ZNF385D: variants seen among roughly 807,000 people sequenced by gnomAD.
The protein encoded by ZNF385D is zinc finger protein 659.
Under a neutral mutation model 35.8 loss-of-function variants are expected in ZNF385D, and 15 were observed. The observed-to-expected ratio is 0.42, with a 90% CI of 0.28 to 0.64. The LOEUF (loss-of-function observed/expected upper bound fraction) is 0.64, where lower values mean the gene tolerates loss of function less well. ZNF385D is among the 30% of genes least tolerant of loss of function. The pLI is 0.23. For missense variants in ZNF385D, 474 were observed against 494.6 expected (o/e 0.96, Z 0.39); for synonymous variants, 212 against 186.8 (o/e 1.13, Z -1.10).
At chr3:21,997,872 C>T (rs2021235) in intron 3 of ZNF385D, among the ~76,000 whole-genome samples, 8,376 of 89,968 alleles carry the variant, frequency 0.093, 464 homozygotes, top group African/African-American at 0.25. Flanking sequence ...CGCGCGCGCG[C>T]GTGTGTGTGT....
At chr3:22,128,065 G>T (rs151121146) in intron 3 of ZNF385D, among the ~76,000 whole-genome samples, 1 of 152,276 alleles carries the variant, frequency 6.6e-6, no homozygotes, top group East Asian at 1.9e-4. Flanking sequence ...TGTAGGTTAT[G>T]TACAGTGTTG....
chr3:21,992,451 T>C (rs1477151431), intron 3 of ZNF385D, among the ~76,000 whole-genome samples: 1 of 152,192 alleles, frequency 6.6e-6, no homozygotes, highest in Non-Finnish European at 1.5e-5. Flanking sequence ...TCAAATTATA[T>C]TATCATCATC....
At chr3:22,075,406 T>C (rs1007561745) in intron 3 of ZNF385D, among the ~76,000 whole-genome samples, 2 of 151,890 alleles carry the variant, frequency 1.3e-5, no homozygotes, top group Admixed American at 6.6e-5. Context: ...CAACACTCCA[T>C]TGAAAATGCT....
At chr3:21,891,352 A>G (rs1698855730) in intron 3 of ZNF385D, among the ~76,000 whole-genome samples, 1 of 152,184 alleles carries the variant, frequency 6.6e-6, no homozygotes, top group South Asian at 2.1e-4. Context: ...ACATTTTGAT[A>G]CCTTAAAGCA....
Position 22,235,928 on chromosome 3 carries a change from A to T in ZNF385D, c.107-66893T>A, listed in dbSNP as rs78835581. Among the ~76,000 whole-genome samples, 736 of 152,254 alleles carry T rather than the reference A, an allele frequency of 4.8e-3. 10 individuals carry two copies. Among genetic ancestry groups the T allele is most frequent in the African/African-American group, 0.017 (687 of 41,560 alleles). On this transcript the variant is annotated intron_variant, in intron 2 of 5. Coordinates refer to the ZNF385D transcript ENST00000494108. ...ATATTTATTTTTGAATTAAAATTCAAAACTGCACATGCACTTTAACTCATC... is the reference window on the plus strand; with the variant it reads ...ATATTTATTTTTGAATTAAAATTCATAACTGCACATGCACTTTAACTCATC...
At chr3:21,463,934 C>T (rs1703341765) in intron 4 of ZNF385D, among the ~76,000 whole-genome samples, 1 of 151,342 alleles carries the variant, frequency 6.6e-6, no homozygotes, top group African/African-American at 2.4e-5. Context: ...GAATCTCTGT[C>T]CCATATTTTC....
chr3:22,145,688 A>C (rs1345852459), intron 3 of ZNF385D, among the ~76,000 whole-genome samples: 1 of 152,228 alleles, frequency 6.6e-6, no homozygotes, highest in African/African-American at 2.4e-5. Flanking sequence ...TAGCAGGAAG[A>C]AATCAGACCT....
intron 3 of ZNF385D, among the ~76,000 whole-genome samples, chr3:22,027,826 A>G (rs191674884): frequency 1.1e-4 from 17 of 152,270 alleles, no homozygotes; most frequent in African/African-American, 3.8e-4. Flanking sequence ...CAATGGCCTC[A>G]TGGGGGGTTC....
At chr3:21,910,267 C>A (rs1418762575) in intron 3 of ZNF385D, among the ~76,000 whole-genome samples, 1 of 151,926 alleles carries the variant, frequency 6.6e-6, no homozygotes, top group Non-Finnish European at 1.5e-5. Context: ...TATATCTGTT[C>A]TGTGTGTTCA....
At chr3:21,926,507 G>A (rs1433915942) in intron 3 of ZNF385D, among the ~76,000 whole-genome samples, 1 of 152,054 alleles carries the variant, frequency 6.6e-6, no homozygotes, top group African/African-American at 2.4e-5. Flanking sequence ...GTGTATATGT[G>A]CCACATTTTC....
In ZNF385D at chr3:21,750,980, G is replaced by T. The variant is rs1438722226; in HGVS notation, c.-64C>A. On this transcript the variant is annotated 5_prime_UTR_variant, in exon 1 of 8. Coordinates refer to ENST00000281523, the MANE Select transcript of ZNF385D (RefSeq NM_024697.3). Reference sequence around the variant, plus strand: ...ATCAGCTCTCACCCAAGGCTGGCACGTAGAGCAGAGCCCTTTCATGCTACA... The same window carrying T: ...ATCAGCTCTCACCCAAGGCTGGCACTTAGAGCAGAGCCCTTTCATGCTACA... 5.6e-6 allele frequency: 9 copies of T among 1,613,298 alleles called. No homozygotes were observed. Among genetic ancestry groups the T allele is most frequent in the Non-Finnish European group, 7.6e-6 (9 of 1,179,772 alleles).
intron 3 of ZNF385D, among the ~76,000 whole-genome samples, chr3:22,021,257 A>G (rs1697209949): frequency 6.6e-6 from 1 of 151,894 alleles, no homozygotes; most frequent in Non-Finnish European, 1.5e-5. Context: ...TATGCAAAGA[A>G]AAAAAAAGAC....
At chr3:21,799,508 G>A (rs1336769094) in intron 3 of ZNF385D, among the ~76,000 whole-genome samples, 1 of 151,946 alleles carries the variant, frequency 6.6e-6, no homozygotes, top group Admixed American at 6.6e-5. Flanking sequence ...AAAAACTATT[G>A]GTATTAAGTA....
At chr3:21,980,343 A>C (rs547448381) in intron 3 of ZNF385D, among the ~76,000 whole-genome samples, 5 of 152,322 alleles carry the variant, frequency 3.3e-5, no homozygotes, top group Admixed American at 2.0e-4. Flanking sequence ...TGACTCATGG[A>C]AACTGTGACA....
In ZNF385D at chr3:21,416,957, A is replaced by C. The variant is rs1700571935; in HGVS notation, c.*4257T>G. 1 of 152,090 alleles carries C rather than the reference A, an allele frequency of 6.6e-6. No homozygotes were observed. Among genetic ancestry groups the C allele is most frequent in the Non-Finnish European group, 1.5e-5 (1 of 68,002 alleles). 9.4% of individuals were successfully genotyped at this position (152,090 alleles called of 1,614,324 possible). ...GTTGGTTTTGTTCAGAATTTATTAC[A>C]TTCTTGACTGGGAAAATAGAAGTAG... On this transcript the variant is annotated 3_prime_UTR_variant, in exon 8 of 8. Coordinates refer to ENST00000281523, the MANE Select transcript of ZNF385D (RefSeq NM_024697.3).
At chr3:21,633,555 A>G (rs988190366) in intron 2 of ZNF385D, among the ~76,000 whole-genome samples, 4 of 152,100 alleles carry the variant, frequency 2.6e-5, no homozygotes, top group Non-Finnish European at 4.4e-5. Context: ...CTACAGCATT[A>G]CAAAGACTTC....
At chr3:21,722,429 G>T (rs1227365058) in intron 1 of ZNF385D, among the ~76,000 whole-genome samples, 1 of 152,108 alleles carries the variant, frequency 6.6e-6, no homozygotes, top group Non-Finnish European at 1.5e-5. Context: ...GGTCTTGTTT[G>T]CCTTGCTCTT....
At chr3:22,322,365 A>G (rs1033585726) in intron 2 of ZNF385D, among the ~76,000 whole-genome samples, 1 of 152,174 alleles carries the variant, frequency 6.6e-6, no homozygotes, top group Non-Finnish European at 1.5e-5. Context: ...TGGATATAGT[A>G]ATATTCTATT....
intron 3 of ZNF385D, among the ~76,000 whole-genome samples, chr3:21,912,635 C>T (rs368190289): frequency 6.6e-6 from 1 of 151,918 alleles, no homozygotes; most frequent in Non-Finnish European, 1.5e-5. Context: ...TACAATGCCA[C>T]GTTAGGGGAT....
Sources: gnomAD v4.1 joint callset for allele counts (sites outside exome capture counted in the v4.1 genomes callset) on GRCh38, gnomAD v4.1.1 for gene constraint, MANE v1.5 for transcripts, NCBI Gene and HGNC (gene_info 2026-07-23, HGNC 2026-07-21) for gene names.